The following EXOC6 variants were observed in gnomAD, a reference collection of about 807,000 sequenced individuals.
EXOC6 encodes exocyst complex component 6, also known as SEC15-like 1.
A neutral mutation model predicts 112.5 loss-of-function variants in EXOC6; 60 were observed. The ratio of observed to expected loss-of-function variants is 0.53; its 90% CI spans 0.43 to 0.66. The LOEUF is 0.66. Among genes scored for constraint, EXOC6 ranks in the 30% least tolerant of loss-of-function variants. The probability of loss-of-function intolerance (pLI) is 0.00; values close to 1 mark genes in which losing one functional copy is unlikely to be tolerated. For missense variants in EXOC6, 855 were observed against 957.1 expected (o/e 0.89, Z 1.41); for synonymous variants, 295 against 308.0 (o/e 0.96, Z 0.44).
At chr10:92,953,601 G>C (rs1043161007) in intron 15 of EXOC6, among the ~76,000 whole-genome samples, 1 of 152,096 alleles carries the variant, frequency 6.6e-6, no homozygotes, top group East Asian at 1.9e-4. Context: ...AAATGTGCAG[G>C]ACAGTCTCCA....
chr10:92,827,146 G>A (rs1170899090), intron 1 of EXOC6, among the ~76,000 whole-genome samples: 1 of 152,036 alleles, frequency 6.6e-6, no homozygotes, highest in African/African-American at 2.4e-5. Context: ...ATGTGCCTAT[G>A]GTGCATTCCA....
intron 14 of EXOC6, among the ~76,000 whole-genome samples, chr10:92,949,769 T>C (rs1589893047): frequency 1.3e-5 from 2 of 152,152 alleles, no homozygotes; most frequent in Admixed American, 1.3e-4. Context: ...ATTTTGTAAT[T>C]TTTTTTAGTA....
intron 17 of EXOC6, among the ~76,000 whole-genome samples, chr10:92,960,046 A>G (rs541105966): frequency 3.3e-5 from 5 of 152,348 alleles, no homozygotes; most frequent in African/African-American, 1.2e-4. Flanking sequence ...AGGTTCACCC[A>G]AAAACTTGCA....
chr10:93,011,282 G>T (rs1844233282), intron 19 of EXOC6, among the ~76,000 whole-genome samples: 1 of 150,214 alleles, frequency 6.7e-6, no homozygotes, highest in Admixed American at 6.6e-5. Flanking sequence ...TTTAAGACAA[G>T]ATCTTGCTTT....
chr10:93,012,596 G>A (rs1431252289), intron 19 of EXOC6, among the ~76,000 whole-genome samples: 1 of 152,090 alleles, frequency 6.6e-6, no homozygotes, highest in African/African-American at 2.4e-5. Context: ...TTTATTTATT[G>A]TTTTTAATTG....
upstream of EXOC6, chr10:92,848,511 T>G (rs1847151964): frequency 1.6e-6 from 2 of 1,286,396 alleles, no homozygotes; most frequent in Admixed American, 2.6e-5. Flanking sequence ...CGCGCCTCGC[T>G]GGCTCCTCAG....
chr10:92,984,009 C>T (rs918528072), intron 18 of EXOC6, among the ~76,000 whole-genome samples: 36 of 152,118 alleles, frequency 2.4e-4, no homozygotes, highest in Admixed American at 7.9e-4. Context: ...ATTCTGACAA[C>T]CACAATCAAA....
chr10:92,914,417 T>A (rs1850967903), intron 6 of EXOC6, among the ~76,000 whole-genome samples: 1 of 152,234 alleles, frequency 6.6e-6, no homozygotes, highest in Non-Finnish European at 1.5e-5. Flanking sequence ...GTAAATCTCC[T>A]AGGAGGAGGA....
intron 13 of EXOC6, among the ~76,000 whole-genome samples, chr10:92,941,236 A>G (rs1430963646): frequency 6.6e-6 from 1 of 152,214 alleles, no homozygotes; most frequent in Non-Finnish European, 1.5e-5. Context: ...AGGTTCATCC[A>G]TATTGTAGCA....
chr10:92,963,204 G>A (rs1334980738), intron 17 of EXOC6, among the ~76,000 whole-genome samples: 1 of 152,178 alleles, frequency 6.6e-6, no homozygotes, highest in Non-Finnish European at 1.5e-5. Context: ...TGGTTTACAT[G>A]TGTTTTGAAT....
intron 21 of EXOC6, 127 bp downstream of exon 21, chr10:93,057,163 T>G (rs1488946184): frequency 3.9e-6 from 2 of 508,556 alleles, no homozygotes; most frequent in Non-Finnish European, 6.8e-6. Context: ...CACTCTAGTT[T>G]AATGACCAAA....
chr10:92,990,760 C>A (rs893368789), intron 18 of EXOC6, among the ~76,000 whole-genome samples: 25 of 152,202 alleles, frequency 1.6e-4, no homozygotes, highest in African/African-American at 6.0e-4. Flanking sequence ...ATCTGTTTAT[C>A]CCAATGCTCT....
intron 20 of EXOC6, among the ~76,000 whole-genome samples, chr10:93,040,537 G>C (rs1845713557): frequency 6.6e-6 from 1 of 152,220 alleles, no homozygotes; most frequent in Non-Finnish European, 1.5e-5. Flanking sequence ...GTGAGCCACT[G>C]CGCCCGGCCT....
intron 18 of EXOC6, among the ~76,000 whole-genome samples, chr10:92,976,472 C>T (rs569970317): frequency 0.01 from 1,566 of 151,678 alleles, 36 homozygotes; most frequent in African/African-American, 0.036. Flanking sequence ...GCAGCATGCT[C>T]GTTAAGAGTC....
At chr10:92,992,404 T>C (rs1028291335) in intron 18 of EXOC6, among the ~76,000 whole-genome samples, 1 of 152,232 alleles carries the variant, frequency 6.6e-6, no homozygotes, top group Admixed American at 6.5e-5. Context: ...TTCTATATTA[T>C]TGAGAATCAG....
intron 5 of EXOC6, among the ~76,000 whole-genome samples, chr10:92,908,234 T>C (rs1850552854): frequency 6.6e-6 from 1 of 151,896 alleles, no homozygotes; most frequent in Non-Finnish European, 1.5e-5. Context: ...TTTATATTTT[T>C]AGTAGGGACA....
At chr10:92,865,013 C>T (rs1203966170) in intron 1 of EXOC6, among the ~76,000 whole-genome samples, 1 of 152,156 alleles carries the variant, frequency 6.6e-6, no homozygotes, top group Non-Finnish European at 1.5e-5. Context: ...TTGCATTCAT[C>T]ATTGCTGTTT....
In EXOC6 at chr10:93,024,414, A is replaced by AT. The variant is rs1274706119; in HGVS notation, c.2169+10152dup. Among the ~76,000 whole-genome samples, 5 of 152,126 alleles carry AT rather than the reference A, an allele frequency of 3.3e-5. No individual in the cohort carries two copies. In the East Asian group the frequency reaches 9.7e-4, roughly 29 times the overall value. Reference sequence around the variant, plus strand: ...TATATTTTAACCCCTCTTAGAGACCATTTTTATTAGAATTTTATTTTATTT... The same window carrying AT: ...TATATTTTAACCCCTCTTAGAGACCATTTTTTATTAGAATTTTATTTTATTT... On this transcript the variant is annotated intron_variant, in intron 20 of 21. Transcript: ENST00000260762.
intron 20 of EXOC6, among the ~76,000 whole-genome samples, chr10:93,034,633 G>A (rs2134305062): frequency 6.6e-6 from 1 of 152,278 alleles, no homozygotes; most frequent in East Asian, 1.9e-4. Flanking sequence ...CGTCTGCCAG[G>A]ACTTTACTTT....
Sources: gnomAD v4.1 joint callset for allele counts (sites outside exome capture counted in the v4.1 genomes callset) on GRCh38, gnomAD v4.1.1 for gene constraint, MANE v1.5 for transcripts, NCBI Gene and HGNC (gene_info 2026-07-23, HGNC 2026-07-21) for gene names.